Variants in COL22A1 observed in about 807,000 individuals in gnomAD.
COL22A1 encodes collagen alpha-1(XXII) chain.
Under a neutral mutation model 248.9 loss-of-function variants are expected in COL22A1, and 221 were observed. That is an observed-to-expected ratio of 0.89 (90% CI 0.80 to 0.99). The LOEUF (loss-of-function observed/expected upper bound fraction) is 0.99. Ranked by LOEUF, COL22A1 falls within the 50% of genes least tolerant of loss-of-function variation. COL22A1 has a pLI of 0.00. For missense variants in COL22A1, 2,240 were observed against 2,179.0 expected (o/e 1.03, Z -0.56); for synonymous variants, 891 against 793.4 (o/e 1.12, Z -2.07).
chr8:138,901,369 G>GTTTTTT lies in COL22A1; in HGVS notation c.-73+12244_-73+12249dup, dbSNP rs1396582556. 8.9e-3 allele frequency among the ~76,000 whole-genome samples: 1,061 copies of GTTTTTT among 118,704 alleles called. 48 individuals are homozygous for GTTTTTT. The highest frequency in any genetic ancestry group is 0.026 in the Middle Eastern group (5 of 194). 77.9% of individuals were successfully genotyped at this position (118,704 alleles called of 152,430 possible). A position where few individuals can be genotyped will look rare whatever the true frequency, so the allele number is the denominator to read the frequency against. On this transcript the variant is annotated intron_variant, in intron 1 of 64. Transcript: ENST00000303045. ...CTCATTACTGGCAGGTTTTTTTTTT[G>GTTTTTT]TTTTTTTTTTTTTTTGAGACAGTCT...
At chr8:138,785,588 G>A (rs1005845252) in intron 12 of COL22A1, among the ~76,000 whole-genome samples, 21 of 152,194 alleles carry the variant, frequency 1.4e-4, no homozygotes, top group Non-Finnish European at 2.9e-4. Flanking sequence ...TTCTGGCTCT[G>A]GTGGGTTGGG....
intron 35 of COL22A1, among the ~76,000 whole-genome samples, chr8:138,692,925 ACCCTC>A (rs1214864449): frequency 6.6e-6 from 1 of 152,020 alleles, no homozygotes; most frequent in Admixed American, 6.5e-5. Flanking sequence ...TCATATCAGC[ACCCTC>A]TACCTGGTAC....
intron 46 of COL22A1, among the ~76,000 whole-genome samples, chr8:138,648,076 AC>A (rs1822367569): frequency 6.6e-6 from 1 of 152,262 alleles, no homozygotes; most frequent in Non-Finnish European, 1.5e-5. Context: ...ATCTGATAAA[AC>A]ATGATACAAG....
intron 23 of COL22A1, among the ~76,000 whole-genome samples, chr8:138,728,131 C>T (rs759995536): frequency 1.4e-4 from 22 of 152,160 alleles, no homozygotes; most frequent in Non-Finnish European, 2.8e-4. Context: ...TTCCTTGGCT[C>T]AAGTGATCCT....
At chr8:138,804,343 G>C (rs1024880659) in intron 10 of COL22A1, among the ~76,000 whole-genome samples, 1 of 152,140 alleles carries the variant, frequency 6.6e-6, no homozygotes, top group Non-Finnish European at 1.5e-5. Flanking sequence ...TGCAGGAGCC[G>C]GGCAGGTCTC....
chr8:138,752,296 T>C (rs1832670475), intron 21 of COL22A1, among the ~76,000 whole-genome samples: 1 of 152,228 alleles, frequency 6.6e-6, no homozygotes, highest in African/African-American at 2.4e-5. Flanking sequence ...TGGGTGAATT[T>C]GGCCAGAAAT....
rs954934572 is a variant in COL22A1 at position 138,892,032 on chromosome 8, T to C, written c.-72-8788A>G. Among the ~76,000 whole-genome samples, 65 of 152,340 alleles carry C rather than the reference T, an allele frequency of 4.3e-4. 1 individual carries two copies. Among genetic ancestry groups the C allele is most frequent in the East Asian group, 1.9e-4 (1 of 5,182 alleles). On this transcript the variant is annotated intron_variant, in intron 1 of 64. Transcript: ENST00000303045. ...ATAATTATTTTCATATGTTGCTTGA[T>C]TTATTTGCTAATATTTTGTTGAGGA...
At chr8:138,621,686 G>C (rs899740024) in intron 52 of COL22A1, among the ~76,000 whole-genome samples, 1 of 152,124 alleles carries the variant, frequency 6.6e-6, no homozygotes, top group Non-Finnish European at 1.5e-5. Flanking sequence ...TATCCTCTTT[G>C]TGCCTTAGTT....
At chr8:138,741,845 T>C (rs1243652535) in intron 22 of COL22A1, among the ~76,000 whole-genome samples, 1 of 152,184 alleles carries the variant, frequency 6.6e-6, no homozygotes, top group Non-Finnish European at 1.5e-5. Flanking sequence ...ATAATGGTGG[T>C]GGTGGCGGTG....
At chr8:138,635,113 T>G in intron 48 of COL22A1, 50 bp from the exon 49 acceptor site, 1 of 1,440,270 alleles carries the variant, frequency 6.9e-7, no homozygotes, top group Non-Finnish European at 9.6e-7. Context: ...AAAATACTTT[T>G]TACTTTGTGC....
intron 45 of COL22A1, among the ~76,000 whole-genome samples, chr8:138,650,670 T>TTAGATAGATAGA (rs6150847): frequency 2.6e-5 from 4 of 151,032 alleles, no homozygotes; most frequent in Admixed American, 6.6e-5. Flanking sequence ...TCAAGAAAGA[T>TTAGATAGATAGA]TAGATAGATA....
At chr8:138,726,292 G>T (rs953485446) in intron 23 of COL22A1, among the ~76,000 whole-genome samples, 3 of 151,894 alleles carry the variant, frequency 2.0e-5, no homozygotes, top group African/African-American at 7.3e-5. Context: ...AGGAGTTTGA[G>T]ACTAGACTGG....
intron 56 of COL22A1, among the ~76,000 whole-genome samples, chr8:138,609,032 T>C (rs1233590959): frequency 6.6e-6 from 1 of 152,228 alleles, no homozygotes; most frequent in Non-Finnish European, 1.5e-5. Flanking sequence ...GAGGTGTGAA[T>C]GCCCTCTAAT....
intron 41 of COL22A1, among the ~76,000 whole-genome samples, chr8:138,665,521 T>G (rs1430358578): frequency 6.6e-6 from 1 of 152,238 alleles, no homozygotes; most frequent in Non-Finnish European, 1.5e-5. Context: ...ATCTGGTAGC[T>G]CTAAGTCAGA....
intron 12 of COL22A1, among the ~76,000 whole-genome samples, 178 bp downstream of exon 12, chr8:138,796,641 A>T (rs1816563081): frequency 6.6e-6 from 1 of 151,792 alleles, no homozygotes; most frequent in African/African-American, 2.4e-5. Context: ...AGTACAGTAC[A>T]TGCTTCAACC....
chr8:138,823,317 G>A (rs931539568), intron 6 of COL22A1, among the ~76,000 whole-genome samples: 1 of 152,188 alleles, frequency 6.6e-6, no homozygotes, highest in South Asian at 2.1e-4. Context: ...AATTAAGCAA[G>A]TTCACAGGCA....
intron 3 of COL22A1, among the ~76,000 whole-genome samples, chr8:138,853,272 G>A (rs756888592): frequency 1.4e-4 from 21 of 152,214 alleles, no homozygotes; most frequent in Non-Finnish European, 2.1e-4. Context: ...CAGGTTCAGG[G>A]AGAATGGCTG....
chr8:138,655,132 T>A (rs1004159344), intron 45 of COL22A1, among the ~76,000 whole-genome samples: 2 of 152,214 alleles, frequency 1.3e-5, no homozygotes, highest in Non-Finnish European at 2.9e-5. Context: ...CCTCACAGTA[T>A]CTCAGGCTTC....
At chr8:138,610,864 G>T (rs1441940091) in intron 56 of COL22A1, among the ~76,000 whole-genome samples, 1 of 152,230 alleles carries the variant, frequency 6.6e-6, no homozygotes, top group Non-Finnish European at 1.5e-5. Flanking sequence ...AGGAATCTGA[G>T]ACCAACTTGG....
Sources: allele counts gnomAD v4.1 joint callset (sites outside exome capture counted in the v4.1 genomes callset), GRCh38; gene constraint gnomAD v4.1.1; transcripts MANE v1.5; gene names NCBI Gene and HGNC (gene_info 2026-07-23, HGNC 2026-07-21).